ELP4: variants seen among roughly 807,000 people sequenced by gnomAD.
ELP4 encodes elongator complex protein 4.
In ELP4, 51 loss-of-function variants were observed where a neutral mutation model predicts 48.9. That is an observed-to-expected ratio of 1.04 (90% CI 0.83 to 1.32). The LOEUF (loss-of-function observed/expected upper bound fraction) is 1.32, where lower values mean the gene tolerates loss of function less well. ELP4 is among the 40% of genes most tolerant of loss of function. ELP4 has a pLI of 0.00. For missense variants in ELP4, 519 were observed against 514.6 expected (o/e 1.01, Z -0.08); for synonymous variants, 210 against 189.2 (o/e 1.11, Z -0.90).
chr11:31,680,521 G>T (rs955208548), intron 9 of ELP4, among the ~76,000 whole-genome samples: 2 of 152,120 alleles, frequency 1.3e-5, no homozygotes, highest in African/African-American at 4.8e-5. Flanking sequence ...TTGTGGAGGG[G>T]TACAAGCAAG....
At chr11:31,519,108 C>A (rs553623864) in intron 1 of ELP4, among the ~76,000 whole-genome samples, 10 of 152,140 alleles carry the variant, frequency 6.6e-5, no homozygotes, top group African/African-American at 2.4e-4. Context: ...AGCCACTGTG[C>A]CCGGCCTAAT....
chr11:31,639,571 A>T (rs1945048304), intron 7 of ELP4, among the ~76,000 whole-genome samples: 1 of 151,900 alleles, frequency 6.6e-6, no homozygotes, highest in South Asian at 2.1e-4. Context: ...TTGGACAAGG[A>T]TGATTGAAAC....
At chr11:31,516,923 C>T (rs566196139) in intron 1 of ELP4, among the ~76,000 whole-genome samples, 2 of 152,228 alleles carry the variant, frequency 1.3e-5, no homozygotes, top group Non-Finnish European at 2.9e-5. Flanking sequence ...TGAATGTGAA[C>T]TTAAAATATA....
rs71060498 is a variant in ELP4 at position 31,678,495 on chromosome 11, ATG to A, written c.1143+28320_1143+28321del. On this transcript the variant is annotated intron_variant, in intron 9 of 9. Coordinates refer to ENST00000640961, the MANE Select transcript of ELP4 (RefSeq NM_019040.5). Reference sequence around the variant, plus strand: ...TATTATTTATTGCATACATATATGTATGTGTGTGTGTGTGTGTGTGTGTGTGT... The same window carrying A: ...TATTATTTATTGCATACATATATGTATGTGTGTGTGTGTGTGTGTGTGTGT... 7.9e-3 allele frequency among the ~76,000 whole-genome samples: 1,089 copies of A among 137,488 alleles called. 16 individuals are homozygous for A. The highest frequency in any genetic ancestry group is 0.023 in the African/African-American group (755 of 32,880). The allele number at this position is 137,488 out of a possible 152,430, so 90.2% of individuals were successfully genotyped here. A position where few individuals can be genotyped will look rare whatever the true frequency, so the allele number is the denominator to read the frequency against.
chr11:31,593,475 C>T (rs1486774731), intron 3 of ELP4, among the ~76,000 whole-genome samples: 2 of 152,028 alleles, frequency 1.3e-5, no homozygotes, highest in African/African-American at 4.8e-5. Context: ...AACTCCTGAA[C>T]TCAAGTGATC....
chr11:31,514,002 T>C (rs1956059294), intron 1 of ELP4, among the ~76,000 whole-genome samples: 1 of 152,306 alleles, frequency 6.6e-6, no homozygotes, highest in African/African-American at 2.4e-5. Flanking sequence ...TTGATTCTCA[T>C]GTTTGCCCAG....
intron 9 of ELP4, among the ~76,000 whole-genome samples, chr11:31,762,877 A>G (rs578157521): frequency 2.0e-5 from 3 of 151,888 alleles, no homozygotes; most frequent in African/African-American, 4.8e-5. Context: ...GCAATATAAT[A>G]TAAATAATGA....
intron 2 of ELP4, among the ~76,000 whole-genome samples, chr11:31,529,003 TC>T (rs1436083695): frequency 6.6e-6 from 1 of 151,568 alleles, no homozygotes; most frequent in Non-Finnish European, 1.5e-5. Context: ...ATCTCTTAAC[TC>T]CCTGAAATTA....
chr11:31,593,105 G>A (rs980802152), intron 3 of ELP4, among the ~76,000 whole-genome samples: 1 of 152,150 alleles, frequency 6.6e-6, no homozygotes, highest in Non-Finnish European at 1.5e-5. Context: ...GAGGACAATT[G>A]TTTGACTGAC....
In ELP4 at chr11:31,547,977, G is replaced by C. The variant is rs960639051; in HGVS notation, c.381+8194G>C. On this transcript the variant is annotated intron_variant, in intron 3 of 9. Transcript: ENST00000640961. Reference sequence around the variant, plus strand: ...ACTCTCAATAAATTAGGTATTGATGGGACATATCTCAAAATAATAAGAGCT... The same window carrying C: ...ACTCTCAATAAATTAGGTATTGATGCGACATATCTCAAAATAATAAGAGCT... Among the ~76,000 whole-genome samples the C allele has an allele frequency of 3.9e-5, 6 of 152,148 alleles. No individual in the cohort carries two copies. In the South Asian group the frequency reaches 1.2e-3, roughly 32 times the overall value.
intron 2 of ELP4, 37 bp from the exon 3 acceptor site, chr11:31,539,625 G>A (rs373620778): frequency 1.1e-5 from 17 of 1,564,436 alleles, no homozygotes; most frequent in Non-Finnish European, 1.3e-5. Context: ...TTCTTTTCTT[G>A]CTATATGTTT....
intron 9 of ELP4, among the ~76,000 whole-genome samples, chr11:31,685,448 A>G (rs193111614): frequency 4.4e-4 from 67 of 152,316 alleles, no homozygotes; most frequent in African/African-American, 1.3e-3. Flanking sequence ...TTTTTACTCT[A>G]TATTTCCAAT....
intron 2 of ELP4, among the ~76,000 whole-genome samples, chr11:31,527,042 T>A (rs1007065171): frequency 7.9e-5 from 12 of 152,056 alleles, no homozygotes; most frequent in African/African-American, 2.4e-4. Context: ...ACCACCTTAA[T>A]GACTTTCTCA....
chr11:31,656,002 G>A (rs1945425553), intron 9 of ELP4, among the ~76,000 whole-genome samples: 1 of 151,898 alleles, frequency 6.6e-6, no homozygotes, highest in Non-Finnish European at 1.5e-5. Flanking sequence ...TTGTTTCTAA[G>A]TGGTAAGCTT....
intron 7 of ELP4, among the ~76,000 whole-genome samples, chr11:31,634,586 A>C (rs2134049854): frequency 6.6e-6 from 1 of 152,054 alleles, no homozygotes; most frequent in East Asian, 2.0e-4. Flanking sequence ...CCTCTGTTTA[A>C]GGGAACAGCA....
At chr11:31,764,753 T>C (rs1490173208) in intron 9 of ELP4, among the ~76,000 whole-genome samples, 1 of 152,218 alleles carries the variant, frequency 6.6e-6, no homozygotes, top group East Asian at 1.9e-4. Flanking sequence ...CTCCCAGAGC[T>C]GTAATAGTTT....
At chr11:31,730,632 G>GC (rs1230444263) in intron 9 of ELP4, among the ~76,000 whole-genome samples, 1 of 152,114 alleles carries the variant, frequency 6.6e-6, no homozygotes, top group African/African-American at 2.4e-5. Flanking sequence ...ACACGGCCTG[G>GC]CATACTCTAG....
chr11:31,560,144 A>T (rs1288719093), intron 3 of ELP4, among the ~76,000 whole-genome samples: 1 of 152,172 alleles, frequency 6.6e-6, no homozygotes, highest in Non-Finnish European at 1.5e-5. Flanking sequence ...TTCCTGTGCT[A>T]GGAATTTAAC....
At chr11:31,514,956 CT>C (rs1322799339) in intron 1 of ELP4, among the ~76,000 whole-genome samples, 14 of 150,896 alleles carry the variant, frequency 9.3e-5, no homozygotes, top group African/African-American at 3.4e-4. Context: ...TCATGTCTCA[CT>C]AAACTCAAGT....
Sources: allele counts gnomAD v4.1 joint callset (sites outside exome capture counted in the v4.1 genomes callset), GRCh38; gene constraint gnomAD v4.1.1; transcripts MANE v1.5; gene names NCBI Gene and HGNC (gene_info 2026-07-23, HGNC 2026-07-21).